The following NCKAP1 variants were observed in gnomAD, a reference collection of about 807,000 sequenced individuals.
The protein encoded by NCKAP1 is NCK associated protein 1.
NCKAP1 carries 21 observed loss-of-function variants against 151.2 expected under a neutral mutation model. The observed-to-expected ratio is 0.14, with a 90% CI of 0.10 to 0.20. The LOEUF (loss-of-function observed/expected upper bound fraction) is 0.20, where lower values mean the gene tolerates loss of function less well. NCKAP1 is among the 10% of genes least tolerant of loss of function. The pLI, the probability that NCKAP1 is intolerant of heterozygous loss-of-function variation, is 1.00. For missense variants in NCKAP1, 933 were observed against 1,352.1 expected (o/e 0.69, Z 4.86); for synonymous variants, 484 against 451.8 (o/e 1.07, Z -0.90).
rs1220813805 is a variant in NCKAP1 at position 182,909,311 on chromosome 2, T to A, written c.*16391A>T. 1.3e-5 allele frequency: 2 copies of A among 152,238 alleles called. No homozygotes were observed. The highest frequency in any genetic ancestry group is 1.5e-5 in the Non-Finnish European group (1 of 68,046). The allele number at this position is 152,238 out of a possible 1,614,324, so 9.4% of individuals were successfully genotyped here. Reference sequence around the variant, plus strand: ...ATCATCCACTGTCAGAACTTTTTCGTCTTCCCCAACTGAAACTCTGTTCCC... The same window carrying A: ...ATCATCCACTGTCAGAACTTTTTCGACTTCCCCAACTGAAACTCTGTTCCC... On this transcript the variant is annotated 3_prime_UTR_variant, in exon 31 of 31. Coordinates refer to ENST00000361354, the MANE Select transcript of NCKAP1 (RefSeq NM_013436.5).
intron 28 of NCKAP1, among the ~76,000 whole-genome samples, 196 bp from the exon 29 acceptor site, chr2:182,928,422 C>A (rs997381315): frequency 1.3e-5 from 2 of 152,036 alleles, no homozygotes; most frequent in African/African-American, 4.8e-5. Flanking sequence ...GAGTAACAAA[C>A]GATCGTGTAT....
chr2:182,964,571 G>T (rs1697525420), intron 17 of NCKAP1, 105 bp downstream of exon 17: 2 of 916,464 alleles, frequency 2.2e-6, no homozygotes, highest in Admixed American at 3.1e-5. Context: ...TGTATTCGAT[G>T]GGAAGCTAAG....
rs1285037599 is a variant in NCKAP1 at position 182,957,479 on chromosome 2, T to C, written c.1999A>G (p.Lys667Glu). 2 of 1,613,714 alleles carry C rather than the reference T, an allele frequency of 1.2e-6. No homozygotes were observed. Among genetic ancestry groups the C allele is most frequent in the Non-Finnish European group, 1.7e-6 (2 of 1,179,854 alleles). The change falls in exon 19 of 31, where the codon AAA (lysine) becomes GAA (glutamate). Residue 667 changes from lysine to glutamate, a missense_variant. Coordinates refer to ENST00000361354, the MANE Select transcript of NCKAP1 (RefSeq NM_013436.5). ...REKPGVESMR[K>E]NRLVVTNLDK... Reference sequence around the variant, plus strand: ...TACTTGGTCACAACCAGCCTGTTTTTCCTCATGCTCTCAACACCTGGTTTC... The same window carrying C: ...TACTTGGTCACAACCAGCCTGTTTTCCCTCATGCTCTCAACACCTGGTTTC...
rs1460309692 is a variant in NCKAP1 at position 182,920,163 on chromosome 2, G to T, written c.*5539C>A. ...ATTTTTGTATTTTTTTTGTAGAGAT[G>T]GGGTTTAGACATATTGCCCAGGCTG... On this transcript the variant is annotated 3_prime_UTR_variant, in exon 31 of 31. Coordinates refer to ENST00000361354, the MANE Select transcript of NCKAP1 (RefSeq NM_013436.5). The T allele has an allele frequency of 6.6e-6, 1 of 151,960 alleles. No homozygotes were observed. Among genetic ancestry groups the T allele is most frequent in the Non-Finnish European group, 1.5e-5 (1 of 68,044 alleles). The allele number at this position is 151,960 out of a possible 1,614,324, so 9.4% of individuals were successfully genotyped here. A position where few individuals can be genotyped will look rare whatever the true frequency, so the allele number is the denominator to read the frequency against.
At position 182,983,322 on chromosome 2, in the gene NCKAP1, A is replaced by T; in HGVS notation, c.1065T>A (p.Thr355=). Residue 355 remains threonine, a synonymous_variant, in exon 11 of 31, where the codon ACT becomes ACA. Transcript: ENST00000361354. ...GCAATCCAGGTTGATCAGAGAGGAC[A>T]GTAGCCAATTCCTTCAGTGCAGATC... ...FLRSALKELA[T]VLSDQPGLLG... The T allele has an allele frequency of 6.2e-7, 1 of 1,613,260 alleles. No individual in the cohort carries two copies. Among genetic ancestry groups the T allele is most frequent in the South Asian group, 1.1e-5 (1 of 91,046 alleles).
At chr2:183,025,181 TAG>T (rs1419556072) in intron 1 of NCKAP1, among the ~76,000 whole-genome samples, 2 of 152,212 alleles carry the variant, frequency 1.3e-5, no homozygotes, top group African/African-American at 4.8e-5. Flanking sequence ...AATAAATTTA[TAG>T]AGTTTATACT....
chr2:182,928,144 A>G lies in NCKAP1; in HGVS notation c.3153T>C (p.Ile1051=), dbSNP rs767382310. Residue 1051 remains isoleucine, a synonymous_variant, in exon 29 of 31, where the codon ATT becomes ATC. Transcript: ENST00000361354. ...CCAGAAATTCTTTAAGACGGTCTTC[A>G]ATGCTTCCTTTGTGAATTGTAAACA... The part of the protein sequence containing the change: ...AALFTIHKGS[I]EDRLKEFLAL... 3.8e-5 allele frequency: 61 copies of G among 1,610,890 alleles called. No homozygotes were observed. Among genetic ancestry groups the G allele is most frequent in the Non-Finnish European group, 3.4e-5 (40 of 1,177,618 alleles).
At chr2:183,006,169 A>AT (rs1301431595) in intron 2 of NCKAP1, among the ~76,000 whole-genome samples, 3 of 152,208 alleles carry the variant, frequency 2.0e-5, no homozygotes, top group Non-Finnish European at 4.4e-5. Flanking sequence ...GTGTCAGATG[A>AT]TATGTTTTGG....
Position 182,928,894 on chromosome 2 carries a change from T to C in NCKAP1, c.2959A>G (p.Ile987Val), listed in dbSNP as rs1209361435. The change falls in exon 28 of 31, where the codon ATT becomes GTT. Residue 987 changes from isoleucine (I) to valine (V), a missense_variant. Ile to Val is a conservative substitution (Grantham distance 29). Transcript: ENST00000361354. ...ATTTTATACTCTTCTTCTGGACTAA[T>C]GTTTTCTAAGAGACAAAAATTAAGA... ...VALSSQKSENISPEEEYKIAC... is the reference protein window; with the variant it reads ...VALSSQKSENVSPEEEYKIAC... 2.5e-6 allele frequency: 4 copies of C among 1,599,050 alleles called. No homozygotes were observed. The East Asian group carries it at 9.0e-5, about 36-fold the overall frequency.
chr2:182,952,577 A>C, intron 22 of NCKAP1, 75 bp from the exon 23 acceptor site: 5 of 1,188,658 alleles, frequency 4.2e-6, no homozygotes, highest in Non-Finnish European at 6.0e-6. Context: ...AACACAATAC[A>C]ACATCTCATT....
chr2:182,985,474 T>C (rs1358833743), intron 10 of NCKAP1, among the ~76,000 whole-genome samples: 1 of 151,148 alleles, frequency 6.6e-6, no homozygotes, highest in Non-Finnish European at 1.5e-5. Flanking sequence ...TTTACTAATA[T>C]AAGAAATTAA....
rs1696402675 is a variant in NCKAP1, at chr2:182,911,916, G to C, written c.*13786C>G. ...CCTTTCTGATAGGTCACTTGAGAAT[G>C]ACTTTTGCATTATTCATGCATTTTC... On this transcript the variant is annotated 3_prime_UTR_variant, in exon 31 of 31. Coordinates refer to ENST00000361354, the MANE Select transcript of NCKAP1 (RefSeq NM_013436.5). The C allele has an allele frequency of 6.6e-6, 1 of 152,132 alleles. No individual in the cohort carries two copies. Among genetic ancestry groups the C allele is most frequent in the Non-Finnish European group, 1.5e-5 (1 of 68,030 alleles). The allele number at this position is 152,132 out of a possible 1,614,324, so 9.4% of individuals were successfully genotyped here.
intron 23 of NCKAP1, among the ~76,000 whole-genome samples, chr2:182,945,054 G>A (rs565040000): frequency 8.5e-5 from 13 of 152,254 alleles, no homozygotes; most frequent in African/African-American, 3.1e-4. Context: ...GTCCAACATG[G>A]TGAAACACCA....
chr2:183,002,021 C>A lies in NCKAP1; in HGVS notation c.535G>T (p.Gly179Cys), dbSNP rs1483585877. 6.2e-7 allele frequency: 1 copy of A among 1,613,744 alleles called. No homozygotes were observed. The highest frequency in any genetic ancestry group is 8.5e-7 in the Non-Finnish European group (1 of 1,179,816). The change falls in exon 6 of 31, where the codon GGC becomes TGC. Residue 179 changes from glycine to cysteine, a missense_variant. Transcript: ENST00000361354. Reference protein sequence around the residue: ...GASDREYPRLGQMIVDYENPL... With the variant: ...GASDREYPRLCQMIVDYENPL... Reference sequence around the variant, plus strand: ...TTTTCATAATCCACAATCATCTGGCCAAGGCGTGGGTATTCTCTGTCACTT... The same window carrying A: ...TTTTCATAATCCACAATCATCTGGCAAAGGCGTGGGTATTCTCTGTCACTT...
At position 182,909,879 on chromosome 2, in the gene NCKAP1, A is replaced by G. The variant is rs1241795855; in HGVS notation, c.*15823T>C. ...AATCCATTCTCAGCCACCGATTTAG[A>G]TAAGGGCCAAATAGCCTCCTGATCC... is the stretch of plus-strand genomic sequence containing the variant. On this transcript the variant is annotated 3_prime_UTR_variant, in exon 31 of 31. Transcript: ENST00000361354. 1 of 152,192 alleles carries G rather than the reference A, an allele frequency of 6.6e-6. No homozygotes were observed. Among genetic ancestry groups the G allele is most frequent in the East Asian group, 1.9e-4 (1 of 5,200 alleles). 9.4% of individuals were successfully genotyped at this position (152,192 alleles called of 1,614,324 possible).
intron 24 of NCKAP1, among the ~76,000 whole-genome samples, chr2:182,941,430 T>C (rs1276877338): frequency 6.6e-6 from 1 of 152,162 alleles, no homozygotes; most frequent in Non-Finnish European, 1.5e-5. Flanking sequence ...AAATTACTGA[T>C]CACTTAACAA....
rs1303598329 is a variant in NCKAP1, at chr2:182,918,442, A to C, written c.*7260T>G. ...AGATATGGAACCAACCTAAGTGCCC[A>C]CTGACCAATGAGTGGACAAAGAAAG... On this transcript the variant is annotated 3_prime_UTR_variant, in exon 31 of 31. Coordinates refer to ENST00000361354, the MANE Select transcript of NCKAP1 (RefSeq NM_013436.5). The C allele has an allele frequency of 2.6e-5, 4 of 152,200 alleles. No individual in the cohort carries two copies. The highest frequency in any genetic ancestry group is 6.5e-5 in the Admixed American group (1 of 15,276). 9.4% of individuals were successfully genotyped at this position (152,200 alleles called of 1,614,324 possible). A position where few individuals can be genotyped will look rare whatever the true frequency, so the allele number is the denominator to read the frequency against.
intron 15 of NCKAP1, among the ~76,000 whole-genome samples, chr2:182,971,393 CAAAAAAAA>C (rs1190689259): frequency 4.3e-5 from 3 of 68,968 alleles, no homozygotes; most frequent in African/African-American, 1.6e-4. Flanking sequence ...GACTCCGTCT[CAAAAAAAA>C]AAAAAAAAAA....
chr2:182,950,303 CA>C (rs1697188297), intron 23 of NCKAP1, among the ~76,000 whole-genome samples: 1 of 151,746 alleles, frequency 6.6e-6, no homozygotes, highest in Admixed American at 6.6e-5. Context: ...AACAAAAAAG[CA>C]AAAAATAATA....
Sources: allele counts gnomAD v4.1 joint callset (sites outside exome capture counted in the v4.1 genomes callset), GRCh38; gene constraint gnomAD v4.1.1; transcripts MANE v1.5; gene names NCBI Gene and HGNC (gene_info 2026-07-23, HGNC 2026-07-21).